The following OPCML variants were observed in gnomAD, a reference collection of about 807,000 sequenced individuals.
OPCML encodes opioid binding protein/cell adhesion molecule like.
OPCML carries 13 observed loss-of-function variants against 37.8 expected under a neutral mutation model. The ratio of observed to expected loss-of-function variants is 0.34; its 90% CI spans 0.22 to 0.55. OPCML has a LOEUF of 0.55. Ranked by LOEUF, OPCML falls within the 20% of genes least tolerant of loss-of-function variation. The probability of loss-of-function intolerance (pLI) is 0.91; values close to 1 mark genes in which losing one functional copy is unlikely to be tolerated. For missense variants in OPCML, 341 were observed against 435.6 expected, an observed-to-expected ratio of 0.78 and a Z score of 1.93; for synonymous variants, 176 against 168.8, an observed-to-expected ratio of 1.04 and a Z score of -0.33.
chr11:132,542,618 C>T (rs941661983), intron 3 of OPCML, among the ~76,000 whole-genome samples: 3 of 152,106 alleles, frequency 2.0e-5, no homozygotes, highest in African/African-American at 7.2e-5. Context: ...CTGCTCTGCA[C>T]CATGAACATC....
chr11:132,447,823 C>T lies in OPCML; in HGVS notation c.506-10464G>A, dbSNP rs141568137. Among the ~76,000 whole-genome samples, 282 of 152,274 alleles carry T rather than the reference C, an allele frequency of 1.9e-3. 1 individual carries two copies. The highest frequency in any genetic ancestry group is 6.3e-3 in the African/African-American group (262 of 41,578). On this transcript the variant is annotated intron_variant, in intron 4 of 7. Coordinates refer to ENST00000524381, the MANE Select transcript of OPCML (RefSeq NM_001012393.5). ...GGCTTAGGACCAAATAGGGTGTGGC[C>T]GCTCCAATGTAGGACTCTGCTGGAC...
rs547657118 is a variant in OPCML at position 133,009,226 on chromosome 11, C to T, written c.62-66216G>A. ...AGATATAGTCCCTGATCTCAGGGAA[C>T]TTCAAGTGTTGCAAGAAAACGGACA... On this transcript the variant is annotated intron_variant, in intron 1 of 7. Transcript: ENST00000524381. The T allele has an allele frequency of 6.1e-6, 6 of 985,236 alleles. No individual in the cohort carries two copies. The South Asian group carries it at 2.8e-4, about 46-fold the overall frequency. 61.0% of individuals were successfully genotyped at this position (985,236 alleles called of 1,614,324 possible). A position where few individuals can be genotyped will look rare whatever the true frequency, so the allele number is the denominator to read the frequency against.
intron 2 of OPCML, among the ~76,000 whole-genome samples, chr11:132,781,954 ATTT>A (rs10717332): frequency 0.04 from 4,306 of 107,718 alleles, 78 homozygotes; most frequent in Non-Finnish European, 0.057. Context: ...ATATATATAT[ATTT>A]TTTTTTTTTT....
chr11:133,507,498 A>G (rs59866002), intron 1 of OPCML, among the ~76,000 whole-genome samples: 21 of 152,264 alleles, frequency 1.4e-4, no homozygotes, highest in African/African-American at 4.8e-4. Context: ...GCAAGAACAG[A>G]GTTGAGGGGA....
At chr11:133,222,891 G>A (rs1020471356) in intron 1 of OPCML, among the ~76,000 whole-genome samples, 1 of 152,092 alleles carries the variant, frequency 6.6e-6, no homozygotes, top group Admixed American at 6.5e-5. Context: ...GAAAGAGCAG[G>A]CTGGGAAGCA....
chr11:132,733,605 G>A (rs1945157197), intron 2 of OPCML, among the ~76,000 whole-genome samples: 1 of 152,178 alleles, frequency 6.6e-6, no homozygotes. Context: ...TGGAGCTAGA[G>A]ACCACACATT....
intron 1 of OPCML, among the ~76,000 whole-genome samples, chr11:132,947,446 T>C (rs1945769065): frequency 6.6e-6 from 1 of 152,244 alleles, no homozygotes; most frequent in South Asian, 2.1e-4. Context: ...CAGCATTTCC[T>C]AGCTCAATAT....
chr11:133,385,734 C>A (rs1474592484), intron 1 of OPCML, among the ~76,000 whole-genome samples: 3 of 143,380 alleles, frequency 2.1e-5, no homozygotes, highest in Non-Finnish European at 4.6e-5. Flanking sequence ...TGTCTTATCC[C>A]AGATGCTCAA....
intron 1 of OPCML, among the ~76,000 whole-genome samples, chr11:133,311,298 G>A (rs73602411): frequency 0.048 from 7,380 of 152,238 alleles, 200 homozygotes; most frequent in Middle Eastern, 0.071. Context: ...TACTAGGAGG[G>A]CAAAAGATGT....
chr11:132,851,172 T>C (rs1941793214), intron 2 of OPCML, among the ~76,000 whole-genome samples: 1 of 152,252 alleles, frequency 6.6e-6, no homozygotes, highest in South Asian at 2.1e-4. Flanking sequence ...TATCCTATTA[T>C]ACACAGTGCC....
At chr11:132,677,732 C>A (rs1040603760) in intron 2 of OPCML, among the ~76,000 whole-genome samples, 1 of 152,132 alleles carries the variant, frequency 6.6e-6, no homozygotes, top group Non-Finnish European at 1.5e-5. Context: ...AATCTAGACA[C>A]AGATCTTACA....
At chr11:132,693,921 C>T (rs901183968) in intron 2 of OPCML, among the ~76,000 whole-genome samples, 1 of 152,016 alleles carries the variant, frequency 6.6e-6, no homozygotes, top group African/African-American at 2.4e-5. Flanking sequence ...AGTTATGTGA[C>T]CCAGTAATAA....
intron 2 of OPCML, among the ~76,000 whole-genome samples, chr11:132,907,334 C>G (rs1419364691): frequency 2.0e-5 from 3 of 152,118 alleles, no homozygotes; most frequent in Non-Finnish European, 4.4e-5. Flanking sequence ...TTTTCCTCCT[C>G]CATTTGTCCT....
chr11:133,304,672 C>G (rs1942867710), intron 1 of OPCML, among the ~76,000 whole-genome samples: 1 of 152,086 alleles, frequency 6.6e-6, no homozygotes, highest in African/African-American at 2.4e-5. Flanking sequence ...GCGTCTGGGC[C>G]AAGATGAAGG....
intron 2 of OPCML, among the ~76,000 whole-genome samples, chr11:132,797,669 A>G (rs948521246): frequency 1.3e-5 from 2 of 152,244 alleles, no homozygotes; most frequent in Non-Finnish European, 2.9e-5. Context: ...ATGCCTAACA[A>G]TGTACATGCC....
intron 2 of OPCML, among the ~76,000 whole-genome samples, chr11:132,919,900 C>T (rs7937717): frequency 0.22 from 34,004 of 152,108 alleles, 6,489 homozygotes; most frequent in African/African-American, 0.51. Flanking sequence ...GCAGAGAATG[C>T]GTATTGTGCG....
intron 1 of OPCML, among the ~76,000 whole-genome samples, chr11:133,380,511 T>C (rs1337310929): frequency 6.6e-6 from 1 of 152,240 alleles, no homozygotes; most frequent in African/African-American, 2.4e-5. Flanking sequence ...CCATGGATTG[T>C]AGATTATGTC....
At chr11:133,056,361 C>T (rs978574001) in intron 1 of OPCML, among the ~76,000 whole-genome samples, 1 of 152,144 alleles carries the variant, frequency 6.6e-6, no homozygotes, top group East Asian at 1.9e-4. Context: ...TGAATCCATA[C>T]CTGCTTAGAG....
intron 2 of OPCML, among the ~76,000 whole-genome samples, chr11:132,715,896 G>A (rs1036328766): frequency 6.6e-6 from 1 of 152,194 alleles, no homozygotes; most frequent in Non-Finnish European, 1.5e-5. Context: ...GTAGAAGCAT[G>A]TGAAGTGGAT....
Sources: gnomAD v4.1 joint callset for allele counts (sites outside exome capture counted in the v4.1 genomes callset) on GRCh38, gnomAD v4.1.1 for gene constraint, MANE v1.5 for transcripts, NCBI Gene and HGNC (gene_info 2026-07-23, HGNC 2026-07-21) for gene names.